Variants in IDI1 observed in about 807,000 individuals in gnomAD.
IDI1 encodes the protein isopentenyl-diphosphate Delta-isomerase 1.
A neutral mutation model predicts 32.9 loss-of-function variants in IDI1; 23 were observed. That is an observed-to-expected ratio of 0.70 (90% CI 0.50 to 0.99). IDI1 has a LOEUF of 0.99. Ranked by LOEUF, IDI1 falls within the 50% of genes least tolerant of loss-of-function variation. The probability of loss-of-function intolerance (pLI) is 0.00; values close to 1 mark genes in which losing one functional copy is unlikely to be tolerated. For missense variants in IDI1, 326 were observed against 351.9 expected (o/e 0.93, Z 0.59); for synonymous variants, 133 against 128.2 (o/e 1.04, Z -0.25).
At chr10:1,043,035 C>A (rs1156242978) in intron 3 of IDI1, among the ~76,000 whole-genome samples, 2 of 152,132 alleles carry the variant, frequency 1.3e-5, no homozygotes, top group East Asian at 1.9e-4. Flanking sequence ...CTTATTAATA[C>A]TTCTTTAACC....
upstream of IDI1, among the ~76,000 whole-genome samples, chr10:1,049,907 C>T (rs1281950285): frequency 6.6e-6 from 1 of 152,220 alleles, no homozygotes; most frequent in Non-Finnish European, 1.5e-5. Flanking sequence ...CCTGGCTCAG[C>T]TTACCGAAGT....
At chr10:1,045,738 A>G (rs1207707115) in intron 1 of IDI1, among the ~76,000 whole-genome samples, 2 of 152,236 alleles carry the variant, frequency 1.3e-5, no homozygotes, top group Admixed American at 6.5e-5. Flanking sequence ...AAGTGTTGAG[A>G]TTACAGGAGT....
Position 1,049,015 on chromosome 10 carries a change from T to C in IDI1, c.-12A>G, listed in dbSNP as rs1211802348. 3.4e-6 allele frequency: 5 copies of C among 1,478,970 alleles called. No homozygotes were observed. Among genetic ancestry groups the C allele is most frequent in the South Asian group, 1.3e-5 (1 of 75,286 alleles). 91.6% of individuals were successfully genotyped at this position (1,478,970 alleles called of 1,614,324 possible). On this transcript the variant is annotated 5_prime_UTR_variant, in exon 1 of 5. Coordinates refer to ENST00000381344, the MANE Select transcript of IDI1 (RefSeq NM_004508.4). ...AGTCCACGCCACATCGCCCGGCCAA[T>C]TGGCGCCCGTACGCGCTTGACGACA...
intron 2 of IDI1, chr10:1,043,686 C>T: frequency 1.6e-6 from 1 of 639,580 alleles, no homozygotes; most frequent in Non-Finnish European, 2.9e-6. Context: ...TGCTTCCCTG[C>T]ATGGTGCCCG....
At chr10:1,049,833 T>C (rs1006519131), upstream of IDI1, among the ~76,000 whole-genome samples, 9 of 152,138 alleles carry the variant, frequency 5.9e-5, no homozygotes, top group Admixed American at 3.3e-4. Context: ...TTCGTATTTT[T>C]AGTAGAGACG....
In IDI1 at chr10:1,043,343, G is replaced by T. The variant is rs745953610; in HGVS notation, c.364C>A (p.Leu122Ile). The T allele has an allele frequency of 1.9e-6, 3 of 1,610,556 alleles. No individual in the cohort carries two copies. Among genetic ancestry groups the T allele is most frequent in the Non-Finnish European group, 2.5e-6 (3 of 1,176,874 alleles). The part of the protein sequence containing the change: ...SVFLFNTENK[L>I]LLQQRSDAKI... ...GCATCTGATCTTTGCTGTAGCAGAA[G>T]CTTATTTTCGGTGTTGAATAAGAAG... Residue 122 changes from leucine (L) to isoleucine (I), a missense_variant, in exon 3 of 5, where the codon CTT (leucine) becomes ATT (isoleucine). Around this residue, in one of 2 missense-constraint regions of IDI1, gnomAD observed 205 missense variants for 273.5 expected, o/e 0.75. Transcript: ENST00000381344.
chr10:1,043,993 C>A lies in IDI1; in HGVS notation c.313+6G>T. 6.2e-7 allele frequency: 1 copy of A among 1,608,426 alleles called. No homozygotes were observed. Among genetic ancestry groups the A allele is most frequent in the Non-Finnish European group, 8.5e-7 (1 of 1,177,748 alleles). On this transcript the variant is annotated splice_donor_region_variant and intron_variant, in intron 2 of 4. Coordinates refer to ENST00000381344, the MANE Select transcript of IDI1 (RefSeq NM_004508.4). ...CTTTACAAGAAAGACTGTTTCAAAG[C>A]AGCACCTTTCTCAATGTTCTCGTTC...
chr10:1,054,025 T>C (rs965582277), upstream of IDI1, among the ~76,000 whole-genome samples: 4 of 152,226 alleles, frequency 2.6e-5, no homozygotes, highest in Non-Finnish European at 5.9e-5. Flanking sequence ...TGCTGTCTTA[T>C]ATAGGGGTGG....
chr10:1,048,128 TG>T, intron 1 of IDI1: 1 of 739,472 alleles, frequency 1.4e-6, no homozygotes, highest in Non-Finnish European at 2.0e-6. Flanking sequence ...CCCAAAGTGC[TG>T]GGATTAAAGG....
chr10:1,055,020 A>G, the IDI1 span, among the ~76,000 whole-genome samples: 1 of 152,322 alleles, frequency 6.6e-6, no homozygotes, highest in South Asian at 2.1e-4. Flanking sequence ...GAAGGAATCA[A>G]CCCTGCCAAT....
chr10:1,043,863 CTA>C, intron 2 of IDI1, 134 bp downstream of exon 2: 1 of 721,230 alleles, frequency 1.4e-6, no homozygotes. Flanking sequence ...AATGACCACA[CTA>C]TTTAACGAAC....
At chr10:1,041,529 AATTAAAACATCGGCCACCGTAAC>A in intron 4 of IDI1, 25 bp from the exon 5 acceptor site, 1 of 1,334,588 alleles carries the variant, frequency 7.5e-7, no homozygotes. Flanking sequence ...AAAAAAAAGT[AATTAAAACATCGGCCACCGTAAC>A]AAAAAAAATC....
chr10:1,039,980 A>G lies in IDI1; in HGVS notation c.*1207T>C, dbSNP rs926960067. 3.3e-5 allele frequency: 5 copies of G among 152,246 alleles called. No individual in the cohort carries two copies. The highest frequency in any genetic ancestry group is 1.2e-4 in the African/African-American group (5 of 41,464). The allele number at this position is 152,246 out of a possible 1,614,324, so 9.4% of individuals were successfully genotyped here. Reference sequence around the variant, plus strand: ...TCTTGTCTGAAATTATAAATTGCCCAAAGTTAACCATAAATGAGTCATTCT... The same window carrying G: ...TCTTGTCTGAAATTATAAATTGCCCGAAGTTAACCATAAATGAGTCATTCT... On this transcript the variant is annotated 3_prime_UTR_variant, in exon 5 of 5. Transcript: ENST00000381344.
chr10:1,042,975 G>A (rs975759903), intron 3 of IDI1, among the ~76,000 whole-genome samples: 2 of 151,772 alleles, frequency 1.3e-5, no homozygotes, highest in Admixed American at 6.6e-5. Context: ...TGGTTATAAT[G>A]GGCTATCAGT....
Position 1,049,029 on chromosome 10 carries a change from C to G in IDI1, c.-26G>C, listed in dbSNP as rs1284356484. On this transcript the variant is annotated 5_prime_UTR_variant, in exon 1 of 5. Transcript: ENST00000381344. ...CGCCCGGCCAATTGGCGCCCGTACGCGCTTGACGACACAATCTCGCCAAGC... is the reference window on the plus strand; with the variant it reads ...CGCCCGGCCAATTGGCGCCCGTACGGGCTTGACGACACAATCTCGCCAAGC... 31 of 1,467,410 alleles carry G rather than the reference C, an allele frequency of 2.1e-5. No homozygotes were observed. Among genetic ancestry groups the G allele is most frequent in the Non-Finnish European group, 2.7e-5 (30 of 1,118,904 alleles). 90.9% of individuals were successfully genotyped at this position (1,467,410 alleles called of 1,614,324 possible).
rs553621581 is a variant in IDI1 at position 1,044,270 on chromosome 10, G to A, written c.141-99C>T. On this transcript the variant is annotated intron_variant, in intron 1 of 4. Transcript: ENST00000381344. ...TGATGCTGCTTCCCCATCTGCAGTT[G>A]TACCACTCTGCATCCCCACAGGGAC... 6.5e-5 allele frequency: 55 copies of A among 845,098 alleles called. 1 individual carries two copies. In the South Asian group the frequency reaches 8.4e-4, roughly 13 times the overall value. 52.3% of individuals were successfully genotyped at this position (845,098 alleles called of 1,614,324 possible).
At position 1,041,258 on chromosome 10, in the gene IDI1, GAA is replaced by G. The variant is rs1832571979; in HGVS notation, c.782_783del (p.Phe261SerfsTer3). On this transcript the variant is annotated frameshift_variant, in exon 5 of 5. Coordinates refer to ENST00000381344, the MANE Select transcript of IDI1 (RefSeq NM_004508.4). LOFTEE classifies it high-confidence loss of function. ...TTTAAGTTATCCCACCATTTAAAGA[GAA>G]AAGTCGCTGCAATAATTTTAAACCA... ...TPWFKIIAAT[F>X]LFKWWDNLNH... 1 of 1,613,146 alleles carries G rather than the reference GAA, an allele frequency of 6.2e-7. No individual in the cohort carries two copies. Among genetic ancestry groups the G allele is most frequent in the Non-Finnish European group, 8.5e-7 (1 of 1,179,376 alleles).
intron 1 of IDI1, chr10:1,048,545 G>A (rs1033991759): frequency 1.5e-6 from 2 of 1,307,606 alleles, no homozygotes; most frequent in Middle Eastern, 6.1e-4. Flanking sequence ...CCTGCGACTC[G>A]GTTTCCAGTT....
chr10:1,049,661 A>G (rs924335288), upstream of IDI1: 1 of 150,328 alleles, frequency 6.7e-6, no homozygotes, highest in East Asian at 1.9e-4. Flanking sequence ...TACGTTCTAA[A>G]TTTTTTTTTT....
Sources: gnomAD v4.1 joint callset for allele counts (sites outside exome capture counted in the v4.1 genomes callset) on GRCh38, gnomAD v4.1.1 for gene constraint, gnomAD v4.1.1 regional missense constraint, MANE v1.5 for transcripts, NCBI Gene and HGNC (gene_info 2026-07-23, HGNC 2026-07-21) for gene names.